The following ALG14 variants were observed in gnomAD, a reference collection of about 807,000 sequenced individuals.
The protein encoded by ALG14 is ALG14 UDP-N-acetylglucosaminyltransferase subunit, also known as UDP-N-acetylglucosamine transferase subunit ALG14.
Under a neutral mutation model 22.8 loss-of-function variants are expected in ALG14, and 17 were observed. The observed-to-expected ratio is 0.75, with a 90% CI of 0.51 to 1.12. ALG14 has a LOEUF of 1.12. Among genes scored for constraint, ALG14 ranks in the 50% most tolerant of loss-of-function variants. The probability of loss-of-function intolerance (pLI) is 0.00; values close to 1 mark genes in which losing one functional copy is unlikely to be tolerated. For missense variants in ALG14, 288 were observed against 271.8 expected (o/e 1.06, Z -0.42); for synonymous variants, 89 against 103.7 (o/e 0.86, Z 0.86).
chr1:95,069,110 C>A (rs1675474060), intron 1 of ALG14, among the ~76,000 whole-genome samples: 1 of 152,316 alleles, frequency 6.6e-6, no homozygotes, highest in East Asian at 1.9e-4. Context: ...TCAAAAGGCT[C>A]CTATTTGTTT....
At chr1:95,022,691 A>G (rs1673698611) in intron 3 of ALG14, among the ~76,000 whole-genome samples, 1 of 152,242 alleles carries the variant, frequency 6.6e-6, no homozygotes, top group Non-Finnish European at 1.5e-5. Flanking sequence ...AAGCAGTAAG[A>G]CAAGTGTGGT....
At chr1:95,009,241 AATC>A (rs1329753624) in intron 3 of ALG14, among the ~76,000 whole-genome samples, 1 of 150,398 alleles carries the variant, frequency 6.6e-6, no homozygotes, top group Non-Finnish European at 1.5e-5. Context: ...TTTTATTTAT[AATC>A]ATGTTTTATT....
Position 94,975,856 on chromosome 1 carries a change from AC to A in ALG14, c.*7219del, listed in dbSNP as rs1022570051. 2.0e-4 allele frequency: 31 copies of A among 151,644 alleles called. No individual in the cohort carries two copies. The highest frequency in any genetic ancestry group is 6.8e-4 in the African/African-American group (28 of 41,146). The allele number at this position is 151,644 out of a possible 1,614,324, so 9.4% of individuals were successfully genotyped here. ...TCTACTAAAAATACAAAAAAAACAAACAAAAAAAAAATTAGCCGGGCGTGGT... is the reference window on the plus strand; with the variant it reads ...TCTACTAAAAATACAAAAAAAACAAAAAAAAAAAAATTAGCCGGGCGTGGT... On this transcript the variant is annotated 3_prime_UTR_variant, in exon 4 of 4. Transcript: ENST00000370205.
In ALG14 at chr1:94,983,022, T is replaced by G; in HGVS notation, c.*54A>C. The G allele has an allele frequency of 2.0e-6, 3 of 1,490,738 alleles. No individual in the cohort carries two copies. Among genetic ancestry groups the G allele is most frequent in the Non-Finnish European group, 9.3e-7 (1 of 1,072,264 alleles). 92.3% of individuals were successfully genotyped at this position (1,490,738 alleles called of 1,614,324 possible). A position where few individuals can be genotyped will look rare whatever the true frequency, so the allele number is the denominator to read the frequency against. On this transcript the variant is annotated 3_prime_UTR_variant, in exon 4 of 4. Coordinates refer to ENST00000370205, the MANE Select transcript of ALG14 (RefSeq NM_144988.4). ...CATGTAGGGTTTTTTTCCCCCCAAT[T>G]TGAGTACATACTACTGTTAACTGCA...
intron 3 of ALG14, among the ~76,000 whole-genome samples, chr1:94,991,267 G>C (rs984577976): frequency 6.6e-6 from 1 of 152,182 alleles, no homozygotes; most frequent in African/African-American, 2.4e-5. Flanking sequence ...GTCATGTGTT[G>C]CTTAACAATG....
chr1:95,020,112 G>A (rs1673617882), intron 3 of ALG14, among the ~76,000 whole-genome samples: 1 of 152,068 alleles, frequency 6.6e-6, no homozygotes, highest in South Asian at 2.1e-4. Context: ...CGCTACTCAG[G>A]AGGCTGAGGC....
intron 2 of ALG14, among the ~76,000 whole-genome samples, chr1:95,059,411 A>C (rs923126913): frequency 5.8e-5 from 7 of 119,740 alleles, no homozygotes; most frequent in Admixed American, 4.0e-4. Flanking sequence ...AAAAAAAAAA[A>C]AAAAAAAAAC....
intron 2 of ALG14, among the ~76,000 whole-genome samples, chr1:95,044,882 T>TAAA (rs372248366): frequency 1.7e-4 from 26 of 151,878 alleles, no homozygotes; most frequent in African/African-American, 5.8e-4. Flanking sequence ...ATTTTTTTTT[T>TAAA]AAAAAAAGCA....
chr1:94,994,899 GA>G (rs1181265057), intron 3 of ALG14, among the ~76,000 whole-genome samples: 1 of 152,214 alleles, frequency 6.6e-6, no homozygotes, highest in African/African-American at 2.4e-5. Flanking sequence ...TATGGATTAG[GA>G]AAGGTTTTCA....
intron 3 of ALG14, among the ~76,000 whole-genome samples, chr1:94,990,924 T>C (rs1432023117): frequency 1.3e-5 from 2 of 152,264 alleles, no homozygotes; most frequent in East Asian, 3.8e-4. Context: ...ACTTGCTCTA[T>C]CGATTATTCT....
intron 3 of ALG14, among the ~76,000 whole-genome samples, chr1:95,014,863 A>G (rs1413243308): frequency 6.6e-6 from 1 of 152,242 alleles, no homozygotes; most frequent in Non-Finnish European, 1.5e-5. Context: ...AATAAAAAGT[A>G]ATTCAATGAA....
intron 2 of ALG14, among the ~76,000 whole-genome samples, chr1:95,050,862 A>ATTT (rs34383912): frequency 5.5e-4 from 73 of 131,982 alleles, no homozygotes; most frequent in African/African-American, 9.0e-4. Flanking sequence ...TCCCTGGGTA[A>ATTT]TTTTTTTTTT....
At chr1:95,018,836 A>G (rs1404446230) in intron 3 of ALG14, among the ~76,000 whole-genome samples, 1 of 152,222 alleles carries the variant, frequency 6.6e-6, no homozygotes, top group Admixed American at 6.5e-5. Context: ...AGGAATAATT[A>G]AACAGCAACA....
intron 3 of ALG14, among the ~76,000 whole-genome samples, chr1:95,004,656 C>G (rs1296061692): frequency 6.8e-6 from 1 of 146,952 alleles, no homozygotes; most frequent in Non-Finnish European, 1.5e-5. Flanking sequence ...CCAGCCACCA[C>G]GCCTGGCTAA....
intron 2 of ALG14, among the ~76,000 whole-genome samples, chr1:95,029,927 G>A (rs979716316): frequency 1.3e-5 from 2 of 152,170 alleles, no homozygotes; most frequent in Middle Eastern, 3.4e-3. Context: ...CAGAAGCTAA[G>A]GTACTAAATA....
intron 3 of ALG14, among the ~76,000 whole-genome samples, chr1:95,025,971 C>T (rs953908125): frequency 2.7e-4 from 41 of 151,948 alleles, no homozygotes; most frequent in Middle Eastern, 3.2e-3. Flanking sequence ...CTCGCTCTGT[C>T]GCCCAGGCTG....
At chr1:94,989,481 T>C (rs1229541440) in intron 3 of ALG14, among the ~76,000 whole-genome samples, 2 of 152,206 alleles carry the variant, frequency 1.3e-5, no homozygotes, top group African/African-American at 4.8e-5. Flanking sequence ...TTACAGCTAG[T>C]AGATGGGCCA....
intron 3 of ALG14, among the ~76,000 whole-genome samples, chr1:95,015,736 A>C (rs185755846): frequency 1.9e-3 from 282 of 152,320 alleles, no homozygotes; most frequent in African/African-American, 6.1e-3. Context: ...AAAATATAAG[A>C]GGGCTGGAAA....
At chr1:95,033,402 C>CATACATACAT (rs1553229111) in intron 2 of ALG14, among the ~76,000 whole-genome samples, 1 of 138,710 alleles carries the variant, frequency 7.2e-6, no homozygotes, top group Non-Finnish European at 1.6e-5. Context: ...TACATACATA[C>CATACATACAT]ATATATATAT....
Sources: allele counts gnomAD v4.1 joint callset (sites outside exome capture counted in the v4.1 genomes callset), GRCh38; gene constraint gnomAD v4.1.1; transcripts MANE v1.5; gene names NCBI Gene and HGNC (gene_info 2026-07-23, HGNC 2026-07-21).